The following C8orf76 variants were observed in gnomAD, a reference collection of about 807,000 sequenced individuals.
C8orf76 encodes chromosome 8 open reading frame 76.
Under a neutral mutation model 38.1 loss-of-function variants are expected in C8orf76, and 46 were observed. The observed-to-expected ratio is 1.21, with a 90% CI of 0.95 to 1.54. The LOEUF (loss-of-function observed/expected upper bound fraction) is 1.54. C8orf76 is among the 40% of genes most tolerant of loss of function. The pLI is 0.00. For synonymous variants in C8orf76, 166 were observed against 167.5 expected (o/e 0.99, Z 0.07); for missense variants, 461 against 441.6 (o/e 1.04, Z -0.39).
chr8:123,230,875 T>C (rs1327263043), intron 4 of C8orf76, among the ~76,000 whole-genome samples: 2 of 152,112 alleles, frequency 1.3e-5, no homozygotes, highest in Non-Finnish European at 2.9e-5. Context: ...GTCTCGATCT[T>C]CTGACCTTGT....
At position 123,220,214 on chromosome 8, in the gene C8orf76, G is replaced by A. The variant is rs538301620; in HGVS notation, c.1032C>T (p.Ala344=). The A allele has an allele frequency of 1.1e-5, 17 of 1,613,820 alleles. 1 individual carries two copies. Among genetic ancestry groups the A allele is most frequent in the Middle Eastern group, 1.6e-4 (1 of 6,062 alleles). ...ATTCTTCTGAGGATACAGTCACCAAGGCAGTCAGGGCTACGGAGCCAACAC... is the reference window on the plus strand; with the variant it reads ...ATTCTTCTGAGGATACAGTCACCAAAGCAGTCAGGGCTACGGAGCCAACAC... ...VKCVGSVALT[A]LVTVSSEEFE... is the part of the protein sequence containing the mutation. Residue 344 remains alanine (A), a synonymous_variant, in exon 6 of 6, where the codon GCC becomes GCT. Transcript: ENST00000276704.
intron 3 of C8orf76, among the ~76,000 whole-genome samples, chr8:123,232,223 T>C (rs916248002): frequency 6.6e-6 from 1 of 152,210 alleles, no homozygotes; most frequent in Non-Finnish European, 1.5e-5. Context: ...CTTCCAAATT[T>C]TATTTGGCTT....
chr8:123,233,024 CTT>C (rs75156665), intron 3 of C8orf76, among the ~76,000 whole-genome samples: 2 of 146,328 alleles, frequency 1.4e-5, no homozygotes, highest in South Asian at 2.2e-4. Context: ...TGTTCAAAAA[CTT>C]TTTTTTTTTT....
intron 3 of C8orf76, among the ~76,000 whole-genome samples, chr8:123,233,434 G>A (rs1192699364): frequency 1.3e-5 from 2 of 151,936 alleles, no homozygotes; most frequent in Non-Finnish European, 2.9e-5. Flanking sequence ...TCATTCTTTT[G>A]CCCAGGCTGG....
At position 123,233,363 on chromosome 8, in the gene C8orf76, G is replaced by A. The variant is rs534773587; in HGVS notation, c.358-1606C>T. 2.6e-5 allele frequency among the ~76,000 whole-genome samples: 4 copies of A among 151,820 alleles called. No homozygotes were observed. The South Asian group carries it at 8.3e-4, about 32-fold the overall frequency. ...GATAAAGCAAGTGTGTGTTAGGGTG[G>A]AGGCTGTTACTCACAAACTATGATC... On this transcript the variant is annotated intron_variant, in intron 3 of 5. Transcript: ENST00000276704.
intron 3 of C8orf76, among the ~76,000 whole-genome samples, chr8:123,232,852 A>C (rs920074745): frequency 6.6e-6 from 1 of 152,164 alleles, no homozygotes; most frequent in African/African-American, 2.4e-5. Context: ...GTAAATTCCT[A>C]GTACAGAGCA....
chr8:123,241,319 C>T lies in C8orf76; in HGVS notation c.28G>A (p.Gly10Ser). 6.4e-7 allele frequency: 1 copy of T among 1,571,762 alleles called. No homozygotes were observed. Among genetic ancestry groups the T allele is most frequent in the Non-Finnish European group, 8.6e-7 (1 of 1,164,418 alleles). ...TCGAACACCGAGTCCTCGAACTCGC[C>T]GCCGAACAACCAGCACCCGGAATCC... MDSGCWLFG[G>S]EFEDSVFEER... The change falls in exon 1 of 6, where the codon GGC becomes AGC. Residue 10 changes from glycine (G) to serine (S), a missense_variant. By Grantham distance (56) the Gly-to-Ser change is moderately conservative (BLOSUM62 0). Coordinates refer to ENST00000276704, the MANE Select transcript of C8orf76 (RefSeq NM_032847.3).
chr8:123,228,702 T>G (rs1370266895), intron 4 of C8orf76, among the ~76,000 whole-genome samples: 1 of 151,822 alleles, frequency 6.6e-6, no homozygotes, highest in Non-Finnish European at 1.5e-5. Flanking sequence ...CTGCAAATAC[T>G]CTTCAGGCCT....
At position 123,241,332 on chromosome 8, in the gene C8orf76, G is replaced by C. The variant is rs765305157; in HGVS notation, c.15C>G (p.Cys5Trp). MDSG[C>W]WLFGGEFEDS... ...CCTCGAACTCGCCGCCGAACAACCA[G>C]CACCCGGAATCCATCTCGCGCCCGC... is the stretch of plus-strand genomic sequence containing the variant. The change falls in exon 1 of 6, where the codon TGC becomes TGG. Residue 5 changes from cysteine to tryptophan, a missense_variant. Coordinates refer to ENST00000276704, the MANE Select transcript of C8orf76 (RefSeq NM_032847.3). 7 of 1,569,432 alleles carry C rather than the reference G, an allele frequency of 4.5e-6. No homozygotes were observed. In the Admixed American group the frequency reaches 5.8e-5, roughly 13 times the overall value.
intron 2 of C8orf76, chr8:123,238,698 C>G (rs1290817323): frequency 5.8e-6 from 1 of 172,142 alleles, no homozygotes. Flanking sequence ...AATCTAACAT[C>G]TAGTTGTTAG....
rs1055354775 is a variant in C8orf76 at position 123,241,100 on chromosome 8, G to T, written c.117+130C>A. The T allele has an allele frequency of 1.1e-5, 10 of 905,928 alleles. No homozygotes were observed. The African/African-American group carries it at 1.8e-4, about 16-fold the overall frequency. The allele number at this position is 905,928 out of a possible 1,614,324, so 56.1% of individuals were successfully genotyped here. A position where few individuals can be genotyped will look rare whatever the true frequency, so the allele number is the denominator to read the frequency against. ...CCCGTGGAGGAGGAGGGACGGCGGG[G>T]GACGCGGCGGGCGCTGGAGCCTGCC... On this transcript the variant is annotated intron_variant, in intron 1 of 5. Coordinates refer to ENST00000276704, the MANE Select transcript of C8orf76 (RefSeq NM_032847.3).
chr8:123,223,992 C>T (rs1221271928), intron 5 of C8orf76, among the ~76,000 whole-genome samples: 1 of 151,884 alleles, frequency 6.6e-6, no homozygotes, highest in Non-Finnish European at 1.5e-5. Context: ...GGTAGAGTTT[C>T]TGTTTGGGGT....
Position 123,231,648 on chromosome 8 carries a change from A to C in C8orf76, c.467T>G (p.Leu156Arg), listed in dbSNP as rs1317551831. 7 of 1,614,108 alleles carry C rather than the reference A, an allele frequency of 4.3e-6. No individual in the cohort carries two copies. Among genetic ancestry groups the C allele is most frequent in the Non-Finnish European group, 5.1e-6 (6 of 1,180,052 alleles). ...AGGATTAAAAGGATGCAAAGAAATC[A>C]GTTTCTGCAGGCAGAAAATTGTTTT... is the stretch of plus-strand genomic sequence containing the variant. Reference protein sequence around the residue: ...LEKTIFCLQKLISLHPFNPWN... With the variant: ...LEKTIFCLQKRISLHPFNPWN... Residue 156 changes from leucine to arginine, a missense_variant, in exon 4 of 6, where the codon CTG becomes CGG. Transcript: ENST00000276704.
intron 2 of C8orf76, chr8:123,238,563 C>T (rs1464210260): frequency 6.4e-6 from 1 of 156,640 alleles, no homozygotes; most frequent in African/African-American, 2.4e-5. Flanking sequence ...GCAGAAAGAA[C>T]ATTCTGGGAC....
chr8:123,240,539 A>G (rs923695024), intron 1 of C8orf76, among the ~76,000 whole-genome samples: 2 of 152,254 alleles, frequency 1.3e-5, no homozygotes, highest in African/African-American at 2.4e-5. Context: ...TACTCTACTA[A>G]TTCAAAAATA....
intron 4 of C8orf76, 77 bp downstream of exon 4, chr8:123,231,223 T>C (rs941133167): frequency 1.1e-5 from 16 of 1,491,026 alleles, no homozygotes; most frequent in African/African-American, 1.4e-5. Flanking sequence ...CTAGAACTTT[T>C]TGAAGCTTAA....
chr8:123,235,531 C>T (rs968451446), intron 3 of C8orf76, among the ~76,000 whole-genome samples: 7 of 152,256 alleles, frequency 4.6e-5, no homozygotes, highest in East Asian at 1.9e-4. Context: ...ACGCAAGGTC[C>T]GCTGAGATCA....
intron 3 of C8orf76, 125 bp downstream of exon 3, chr8:123,237,673 T>C: frequency 7.5e-7 from 1 of 1,326,300 alleles, no homozygotes. Context: ...CCCTGACAAT[T>C]TTCTTCTGCT....
rs1824935337 is a variant in C8orf76 at position 123,223,251 on chromosome 8, G to T, written c.949-2954C>A. Among the ~76,000 whole-genome samples, 3 of 152,172 alleles carry T rather than the reference G, an allele frequency of 2.0e-5. No homozygotes were observed. The South Asian group carries it at 6.2e-4, about 32-fold the overall frequency. ...GTACAGTTTGGTAGTTCCTAAAAAAGTTAAACAGAGCTAATATATGACCCA... is the reference window on the plus strand; with the variant it reads ...GTACAGTTTGGTAGTTCCTAAAAAATTTAAACAGAGCTAATATATGACCCA... On this transcript the variant is annotated intron_variant, in intron 5 of 5. Transcript: ENST00000276704.
Sources: allele counts gnomAD v4.1 joint callset (sites outside exome capture counted in the v4.1 genomes callset), GRCh38; gene constraint gnomAD v4.1.1; transcripts MANE v1.5; gene names NCBI Gene and HGNC (gene_info 2026-07-23, HGNC 2026-07-21).